The following SSC5D variants were observed in gnomAD, a reference collection of about 807,000 sequenced individuals.
SSC5D encodes soluble scavenger receptor cysteine-rich domain-containing protein SSC5D.
SSC5D carries 106 observed loss-of-function variants against 104.6 expected under a neutral mutation model. The ratio of observed to expected loss-of-function variants is 1.01; its 90% CI spans 0.87 to 1.19. The LOEUF (loss-of-function observed/expected upper bound fraction) is 1.19, where lower values mean the gene tolerates loss of function less well. SSC5D is among the 50% of genes most tolerant of loss of function. The probability of loss-of-function intolerance (pLI) is 0.00; values close to 1 mark genes in which losing one functional copy is unlikely to be tolerated. For missense variants in SSC5D, 1,993 were observed against 2,153.8 expected, an observed-to-expected ratio of 0.93 and a Z score of 1.48; for synonymous variants, 860 against 883.5, an observed-to-expected ratio of 0.97 and a Z score of 0.47.
rs1379988076 is a variant in SSC5D, at chr19:55,518,208, C to T, written c.3932C>T (p.Pro1311Leu). 39 of 1,448,378 alleles carry T rather than the reference C, an allele frequency of 2.7e-5. No individual in the cohort carries two copies. The highest frequency in any genetic ancestry group is 3.5e-5 in the Non-Finnish European group (38 of 1,087,372). The allele number at this position is 1,448,378 out of a possible 1,614,324, so 89.7% of individuals were successfully genotyped here. A position where few individuals can be genotyped will look rare whatever the true frequency, so the allele number is the denominator to read the frequency against. Residue 1311 changes from proline (P) to leucine (L), a missense_variant, in exon 14 of 14, where the codon CCT (proline) becomes CTT (leucine). Pro to Leu is a moderately conservative substitution (Grantham distance 98). Around this residue, in one of 6 missense-constraint regions of SSC5D, gnomAD observed 349 missense variants for 397.6 expected, o/e 0.88. Transcript: ENST00000389623. ...PTMTPDPTTT[P>L]YPTTTPDPTT... ...ATGACTCCTGACCCCACCACGACCC[C>T]TTACCCCACCACTACTCCTGATCCC...
Position 55,500,908 on chromosome 19 carries a change from G to T in SSC5D, c.2617+104G>T. On this transcript the variant is annotated intron_variant, in intron 11 of 13. Coordinates refer to ENST00000389623, the MANE Select transcript of SSC5D (RefSeq NM_001144950.2). The surrounding 1 kb of genome is among the most constrained non-coding windows in gnomAD (Gnocchi z 4.6). ...ACCATGGTCGACTCTAAAGAACTGG[G>T]TATGAGGGGTCGGGGTGGGGAGATC... The T allele has an allele frequency of 1.4e-6, 2 of 1,443,882 alleles. No homozygotes were observed. Among genetic ancestry groups the T allele is most frequent in the Non-Finnish European group, 1.9e-6 (2 of 1,062,102 alleles). The allele number at this position is 1,443,882 out of a possible 1,614,324, so 89.4% of individuals were successfully genotyped here.
rs866378424 is a variant in SSC5D at position 55,495,246 on chromosome 19, T to C, written c.1387+463T>C. 3.7e-5 allele frequency among the ~76,000 whole-genome samples: 4 copies of C among 108,184 alleles called. 1 individual carries two copies. In the Admixed American group the frequency reaches 4.0e-4, roughly 11 times the overall value. 71.0% of individuals were successfully genotyped at this position (108,184 alleles called of 152,430 possible). A position where few individuals can be genotyped will look rare whatever the true frequency, so the allele number is the denominator to read the frequency against. Reference sequence around the variant, plus strand: ...ATATATATATATATTTTTTTTTTTTTTTTTTTTTTTTTTTGAGAGTGGATT... The same window carrying C: ...ATATATATATATATTTTTTTTTTTTCTTTTTTTTTTTTTTGAGAGTGGATT... On this transcript the variant is annotated intron_variant, in intron 8 of 13. Transcript: ENST00000389623.
chr19:55,511,908 G>A (rs1273364510), intron 12 of SSC5D, among the ~76,000 whole-genome samples: 1 of 152,198 alleles, frequency 6.6e-6, no homozygotes, highest in Non-Finnish European at 1.5e-5. Context: ...AATGAGTATG[G>A]AGTGTTTTGT....
At position 55,503,738 on chromosome 19, in the gene SSC5D, C is replaced by T. The variant is rs1205943350; in HGVS notation, c.2785+2537C>T. Among the ~76,000 whole-genome samples the T allele has an allele frequency of 6.6e-6, 1 of 152,240 alleles. No homozygotes were observed. The highest frequency in any genetic ancestry group is 1.5e-5 in the Non-Finnish European group (1 of 68,044). On this transcript the variant is annotated intron_variant, in intron 12 of 13. Coordinates refer to ENST00000389623, the MANE Select transcript of SSC5D (RefSeq NM_001144950.2). This position sits in a 1 kb window ranked among gnomAD's most constrained non-coding sequence, Gnocchi z 4.0. ...CTGGGTTTCTGCCTCTGTCGCCCCG[C>T]GCCCCGTACCTGTGCCCTCCTGAGA...
chr19:55,490,318 C>A lies in SSC5D; in HGVS notation c.496C>A (p.Pro166Thr). 3.6e-6 allele frequency: 5 copies of A among 1,406,080 alleles called. No homozygotes were observed. Among genetic ancestry groups the A allele is most frequent in the Non-Finnish European group, 4.9e-6 (5 of 1,018,908 alleles). The allele number at this position is 1,406,080 out of a possible 1,614,324, so 87.1% of individuals were successfully genotyped here. A position where few individuals can be genotyped will look rare whatever the true frequency, so the allele number is the denominator to read the frequency against. The change falls in exon 5 of 14, where the codon CCC becomes ACC. Residue 166 changes from proline (P) to threonine (T), a missense_variant. Pro to Thr is a conservative substitution (Grantham distance 38). Coordinates refer to ENST00000389623, the MANE Select transcript of SSC5D (RefSeq NM_001144950.2). Reference protein sequence around the residue: ...VTHAPRPAGNPQNASRKKSPR... With the variant: ...VTHAPRPAGNTQNASRKKSPR... Reference sequence around the variant, plus strand: ...CCCAGCCCCCCGCCCAGCTGGGAACCCCCAGAACGCCTCCCGGAAGAAGAG... The same window carrying A: ...CCCAGCCCCCCGCCCAGCTGGGAACACCCAGAACGCCTCCCGGAAGAAGAG...
intron 7 of SSC5D, 80 bp downstream of exon 7, chr19:55,493,992 G>GGGGGGGGGGT: frequency 3.5e-6 from 1 of 284,106 alleles, no homozygotes; most frequent in South Asian, 2.6e-5. Context: ...GGGGGCGGGG[G>GGGGGGGGGGT]GGTCCCTACG....
rs372243881 is a variant in SSC5D, at chr19:55,494,065, C to T, written c.1213+153C>T. On this transcript the variant is annotated intron_variant, in intron 7 of 13. Coordinates refer to ENST00000389623, the MANE Select transcript of SSC5D (RefSeq NM_001144950.2). ...CATCTTATTCCCCTCTGAATCCTCA[C>T]CCTGCGTCACTGGTTCTCAGCTGGG... Among the ~76,000 whole-genome samples the T allele has an allele frequency of 8.5e-5, 13 of 152,224 alleles. No homozygotes were observed. The East Asian group carries it at 2.5e-3, about 29-fold the overall frequency.
chr19:55,490,713 A>G, intron 5 of SSC5D, 59 bp from the exon 6 acceptor site: 3 of 1,431,028 alleles, frequency 2.1e-6, no homozygotes, highest in Non-Finnish European at 2.7e-6. Flanking sequence ...GAAATCGAGG[A>G]AGGGGTGTTT....
intron 12 of SSC5D, chr19:55,504,210 A>AGGC: frequency 6.5e-7 from 1 of 1,532,682 alleles, no homozygotes; most frequent in Non-Finnish European, 8.7e-7. Flanking sequence ...CTCGTGGTGG[A>AGGC]GGCGGGCACG....
At chr19:55,510,598 C>T (rs1410593582) in intron 12 of SSC5D, among the ~76,000 whole-genome samples, 12 of 149,488 alleles carry the variant, frequency 8.0e-5, no homozygotes, top group Admixed American at 8.0e-4. Flanking sequence ...CCGCCCACCT[C>T]AGCCTCCTAA....
Position 55,501,159 on chromosome 19 carries a change from C to T in SSC5D, c.2743C>T (p.Pro915Ser). The T allele has an allele frequency of 4.5e-6, 7 of 1,546,530 alleles. No individual in the cohort carries two copies. The highest frequency in any genetic ancestry group is 5.2e-6 in the Non-Finnish European group (6 of 1,144,830). ...TCTCCCCTGGAGGACCACCCGGCGC[C>T]CGGGTAGCTCCTCCCCAGCAATAAG... ...HTLPWRTTRR[P>S]GSSSPAIRRL... The change falls in exon 12 of 14, where the codon CCG becomes TCG. Residue 915 changes from proline (P) to serine (S), a missense_variant. This residue lies in a region of SSC5D where 423 missense variants were observed against 409.2 expected (regional missense o/e 1.03). Transcript: ENST00000389623.
rs774909284 is a variant in SSC5D at position 55,518,955 on chromosome 19, C to T, written c.4679C>T (p.Thr1560Ile). Residue 1560 changes from threonine to isoleucine, a missense_variant, in exon 14 of 14, where the codon ACT becomes ATT. Physicochemically the swap from Thr to Ile is moderately conservative, Grantham distance 89. Around this residue, in one of 6 missense-constraint regions of SSC5D, gnomAD observed 349 missense variants for 397.6 expected, o/e 0.88. Transcript: ENST00000389623. ...WTTSMPAPTT[T>I]TPEEEERPLR... is the part of the protein sequence containing the mutation. Reference sequence around the variant, plus strand: ...ACCAGCATGCCTGCACCAACCACCACTACCCCAGAGGAAGAAGAAAGACCC... The same window carrying T: ...ACCAGCATGCCTGCACCAACCACCATTACCCCAGAGGAAGAAGAAAGACCC... The T allele has an allele frequency of 5.2e-6, 8 of 1,550,440 alleles. No individual in the cohort carries two copies. The South Asian group carries it at 9.5e-5, about 18-fold the overall frequency.
In SSC5D at chr19:55,506,908, T is replaced by C. The variant is rs547492830; in HGVS notation, c.2785+5707T>C. Among the ~76,000 whole-genome samples the C allele has an allele frequency of 2.0e-5, 3 of 151,998 alleles. No individual in the cohort carries two copies. In the South Asian group the frequency reaches 6.3e-4, roughly 32 times the overall value. On this transcript the variant is annotated intron_variant, in intron 12 of 13. Coordinates refer to ENST00000389623, the MANE Select transcript of SSC5D (RefSeq NM_001144950.2). ...ATGGCCAGGTGTGGTGGCTCATGTCTGTAATCCCAGCACTTAGGGAGGCTG... is the reference window on the plus strand; with the variant it reads ...ATGGCCAGGTGTGGTGGCTCATGTCCGTAATCCCAGCACTTAGGGAGGCTG...
At position 55,490,421 on chromosome 19, in the gene SSC5D, C is replaced by T; in HGVS notation, c.586+13C>T. On this transcript the variant is annotated intron_variant, in intron 5 of 13. Coordinates refer to ENST00000389623, the MANE Select transcript of SSC5D (RefSeq NM_001144950.2). ...GCCCCCCGCCAAGGTAAGCTCCCTG[C>T]AGGCTCCCCCGACCCCAAGGCTGGT... 1.1e-6 allele frequency: 1 copy of T among 899,470 alleles called. No individual in the cohort carries two copies. Among genetic ancestry groups the T allele is most frequent in the Non-Finnish European group, 1.7e-6 (1 of 605,652 alleles). The allele number at this position is 899,470 out of a possible 1,614,324, so 55.7% of individuals were successfully genotyped here. A position where few individuals can be genotyped will look rare whatever the true frequency, so the allele number is the denominator to read the frequency against.
At chr19:55,501,989 A>C (rs1987516748) in intron 12 of SSC5D, among the ~76,000 whole-genome samples, 1 of 151,836 alleles carries the variant, frequency 6.6e-6, no homozygotes, top group African/African-American at 2.4e-5. Context: ...TGCAGCCTTG[A>C]CTGCCCGGGC....
In SSC5D at chr19:55,500,246, C is replaced by A. The variant is rs1278217596; in HGVS notation, c.2136C>A (p.Thr712=). Reference sequence around the variant, plus strand: ...CCCCCCGAGAACGGACCACTAAGACCATGGCAATGCTGACCACTCAAGGCC... The same window carrying A: ...CCCCCCGAGAACGGACCACTAAGACAATGGCAATGCTGACCACTCAAGGCC... ...PQAPRERTTK[T]MAMLTTQGPQ... Residue 712 remains threonine, a synonymous_variant, in exon 10 of 14, where the codon ACC becomes ACA. Coordinates refer to ENST00000389623, the MANE Select transcript of SSC5D (RefSeq NM_001144950.2). The surrounding 1 kb of genome is among the most constrained non-coding windows in gnomAD (Gnocchi z 4.6). The A allele has an allele frequency of 6.4e-7, 1 of 1,551,506 alleles. No homozygotes were observed.
chr19:55,502,638 T>A (rs1472531763), intron 12 of SSC5D, among the ~76,000 whole-genome samples: 1 of 152,128 alleles, frequency 6.6e-6, no homozygotes, highest in Non-Finnish European at 1.5e-5. Flanking sequence ...TGTTTCTCAC[T>A]CCATTTTTCA....
intron 9 of SSC5D, 129 bp from the exon 10 acceptor site, chr19:55,499,687 T>C: frequency 1.3e-6 from 1 of 785,792 alleles, no homozygotes; most frequent in Non-Finnish European, 2.0e-6. Flanking sequence ...TAAATATTTG[T>C]GACAATAAAT....
intron 3 of SSC5D, 87 bp from the exon 4 acceptor site, chr19:55,489,794 CA>C (rs1987080059): frequency 1.4e-6 from 2 of 1,479,054 alleles, no homozygotes; most frequent in South Asian, 2.4e-5. Context: ...CCTCCAAAGC[CA>C]GGTGGCTAAC....
Sources: allele counts gnomAD v4.1 joint callset (sites outside exome capture counted in the v4.1 genomes callset), GRCh38; gene constraint gnomAD v4.1.1; regional missense constraint gnomAD v4.1.1; non-coding constraint Gnocchi (gnomAD v3.1); transcripts MANE v1.5; gene names NCBI Gene and HGNC (gene_info 2026-07-23, HGNC 2026-07-21).